Variants in PBX4 observed in about 807,000 individuals in gnomAD.
The protein encoded by PBX4 is PBX homeobox 4.
A neutral mutation model predicts 35.1 loss-of-function variants in PBX4; 26 were observed. The ratio of observed to expected loss-of-function variants is 0.74; its 90% confidence interval spans 0.54 to 1.03. PBX4 has a LOEUF of 1.03. Ranked by LOEUF, PBX4 falls within the 50% of genes least tolerant of loss-of-function variation. The pLI is 0.00. For missense variants in PBX4, 448 were observed against 504.3 expected (o/e 0.89, Z 1.07); for synonymous variants, 199 against 204.2 (o/e 0.97, Z 0.22).
Position 19,618,596 on chromosome 19 carries a change from G to A in PBX4, c.34C>T (p.Pro12Ser), listed in dbSNP as rs1394267453. 2 of 1,287,500 alleles carry A rather than the reference G, an allele frequency of 1.6e-6. No homozygotes were observed. The highest frequency in any genetic ancestry group is 2.0e-6 in the Non-Finnish European group (2 of 1,015,830). The allele number at this position is 1,287,500 out of a possible 1,614,324, so 79.8% of individuals were successfully genotyped here. Residue 12 changes from proline to serine, a missense_variant, in exon 1 of 8, where the codon CCC becomes TCC. Coordinates refer to ENST00000251203, the MANE Select transcript of PBX4 (RefSeq NM_025245.3). Reference protein sequence around the residue: ...AAPPRPAPSPPAPRRLDTSDV... With the variant: ...AAPPRPAPSPSAPRRLDTSDV... ...CTCGTGTCGAGGCGCCGCGGGGCGG[G>A]GGGCGATGGCGCGGGGCGCGGCGGG...
At chr19:19,608,105 C>A (rs893915929) in intron 1 of PBX4, 1 of 152,216 alleles carries the variant, frequency 6.6e-6, no homozygotes, top group South Asian at 2.1e-4. Flanking sequence ...GTAATCCCAG[C>A]ACTTTGGGAA....
At chr19:19,601,108 G>A (rs1217995608) in intron 1 of PBX4, among the ~76,000 whole-genome samples, 5 of 152,212 alleles carry the variant, frequency 3.3e-5, no homozygotes, top group Admixed American at 2.0e-4. Flanking sequence ...CCCATCAGCC[G>A]TGGCAGTTGC....
At chr19:19,568,811 T>A (rs929605846) in intron 5 of PBX4, among the ~76,000 whole-genome samples, 3 of 151,992 alleles carry the variant, frequency 2.0e-5, no homozygotes, top group Non-Finnish European at 4.4e-5. Flanking sequence ...TCACACTCTG[T>A]CTGTAACCCT....
chr19:19,614,260 A>T (rs1421389513), intron 1 of PBX4, among the ~76,000 whole-genome samples: 1 of 152,098 alleles, frequency 6.6e-6, no homozygotes, highest in African/African-American at 2.4e-5. Context: ...TGAACCTGGG[A>T]AGCAGAGGTT....
chr19:19,568,563 A>G (rs1455504005), intron 5 of PBX4, among the ~76,000 whole-genome samples: 148 of 97,080 alleles, frequency 1.5e-3, no homozygotes, highest in Middle Eastern at 9.1e-3. Flanking sequence ...GTATCCCTCA[A>G]GGAGCTCACA....
intron 2 of PBX4, among the ~76,000 whole-genome samples, chr19:19,572,249 A>G (rs1226914534): frequency 6.6e-6 from 1 of 150,644 alleles, no homozygotes; most frequent in East Asian, 2.1e-4. Context: ...TAATTTTTGT[A>G]TTTTTAGTAG....
intron 2 of PBX4, chr19:19,588,385 CA>C: frequency 1.5e-6 from 2 of 1,350,476 alleles, no homozygotes; most frequent in East Asian, 2.4e-5. Flanking sequence ...CTGCTTGCGG[CA>C]AAAGATCAAA....
At chr19:19,590,486 TGAGA>T (rs1410569256) in intron 2 of PBX4, among the ~76,000 whole-genome samples, 11 of 150,960 alleles carry the variant, frequency 7.3e-5, no homozygotes, top group Admixed American at 6.7e-4. Flanking sequence ...TTTTTTTTTT[TGAGA>T]GAGAGTCTTG....
chr19:19,573,326 A>ACAC (rs1410786143), intron 2 of PBX4, among the ~76,000 whole-genome samples: 11 of 81,660 alleles, frequency 1.3e-4, no homozygotes, highest in Non-Finnish European at 2.2e-4. Flanking sequence ...AAAAAAAAAA[A>ACAC]ATATACACAC....
chr19:19,564,747 C>G (rs1479306665), intron 6 of PBX4, 186 bp downstream of exon 6: 4 of 709,788 alleles, frequency 5.6e-6, no homozygotes, highest in African/African-American at 5.4e-5. Flanking sequence ...CCCCAAAGCA[C>G]AGGTATCTGT....
chr19:19,578,275 T>C (rs2061432787), intron 2 of PBX4, among the ~76,000 whole-genome samples: 2 of 152,232 alleles, frequency 1.3e-5, no homozygotes, highest in South Asian at 4.1e-4. Context: ...GGAGAAACGC[T>C]GTGCCTTGGT....
chr19:19,609,473 C>T (rs1213642382), intron 1 of PBX4, among the ~76,000 whole-genome samples: 1 of 146,566 alleles, frequency 6.8e-6, no homozygotes, highest in East Asian at 2.1e-4. Context: ...CGCTTGAACC[C>T]GGGAGGCGGA....
chr19:19,610,630 A>T (rs151023030), intron 1 of PBX4, among the ~76,000 whole-genome samples: 2,241 of 151,568 alleles, frequency 0.015, 74 homozygotes, highest in South Asian at 0.071. Flanking sequence ...TGGCGCATGC[A>T]TGTAATCCTA....
intron 2 of PBX4, among the ~76,000 whole-genome samples, chr19:19,574,336 C>G (rs2061406064): frequency 6.6e-6 from 1 of 152,194 alleles, no homozygotes; most frequent in African/African-American, 2.4e-5. Flanking sequence ...TTCATAGACG[C>G]CCTCCTCTGC....
intron 2 of PBX4, among the ~76,000 whole-genome samples, chr19:19,573,198 G>A (rs371475058): frequency 1.4e-3 from 218 of 151,956 alleles, no homozygotes; most frequent in African/African-American, 5.1e-3. Flanking sequence ...CTAGCTACTT[G>A]GGAGGCTGAG....
chr19:19,596,362 G>GAATGAATAAATA (rs1555738939), intron 2 of PBX4, among the ~76,000 whole-genome samples: 2 of 148,906 alleles, frequency 1.3e-5, no homozygotes, highest in Non-Finnish European at 3.0e-5. Flanking sequence ...AACAGAGTGA[G>GAATGAATAAATA]AATAAATAAA....
At chr19:19,579,645 A>G (rs2061441272) in intron 2 of PBX4, among the ~76,000 whole-genome samples, 1 of 152,160 alleles carries the variant, frequency 6.6e-6, no homozygotes, top group East Asian at 1.9e-4. Context: ...CATGGATTAA[A>G]TCAGATGCCC....
At position 19,563,782 on chromosome 19, in the gene PBX4, C is replaced by T; in HGVS notation, c.926-167G>A. ...AGGCAGGCCAGCGGGCCCTCCCCACCACACTACTCATGTCCCCTCATGGCT... is the reference window on the plus strand; with the variant it reads ...AGGCAGGCCAGCGGGCCCTCCCCACTACACTACTCATGTCCCCTCATGGCT... On this transcript the variant is annotated intron_variant, in intron 6 of 7. Transcript: ENST00000251203. The surrounding 1 kb of genome is among the most constrained non-coding windows in gnomAD (Gnocchi z 5.1). 1 of 636,624 alleles carries T rather than the reference C, an allele frequency of 1.6e-6. No individual in the cohort carries two copies. Among genetic ancestry groups the T allele is most frequent in the Non-Finnish European group, 2.9e-6 (1 of 349,346 alleles). 39.4% of individuals were successfully genotyped at this position (636,624 alleles called of 1,614,324 possible).
chr19:19,564,656 C>G (rs2061329849), intron 6 of PBX4: 2 of 379,558 alleles, frequency 5.3e-6, no homozygotes, highest in Non-Finnish European at 9.7e-6. Flanking sequence ...TCATCTTGGC[C>G]TCCCAAAATG....
Sources: allele counts gnomAD v4.1 joint callset (sites outside exome capture counted in the v4.1 genomes callset), GRCh38; gene constraint gnomAD v4.1.1; non-coding constraint Gnocchi (gnomAD v3.1); transcripts MANE v1.5; gene names NCBI Gene and HGNC (gene_info 2026-07-23, HGNC 2026-07-21).